ARHGAP24: variants seen among roughly 807,000 people sequenced by gnomAD.
The protein encoded by ARHGAP24 is rho GTPase-activating protein 24.
A neutral mutation model predicts 76.4 loss-of-function variants in ARHGAP24; 50 were observed. The ratio of observed to expected loss-of-function variants is 0.65; its 90% CI spans 0.52 to 0.83. The LOEUF (loss-of-function observed/expected upper bound fraction) is 0.83. Ranked by LOEUF, ARHGAP24 falls within the 40% of genes least tolerant of loss-of-function variation. The pLI, the probability that ARHGAP24 is intolerant of heterozygous loss-of-function variation, is 0.00. For synonymous variants in ARHGAP24, 345 were observed against 323.3 expected (o/e 1.07, Z -0.72); for missense variants, 930 against 914.2 (o/e 1.02, Z -0.22).
At chr4:85,889,161 A>C (rs937946463) in intron 3 of ARHGAP24, among the ~76,000 whole-genome samples, 7 of 152,232 alleles carry the variant, frequency 4.6e-5, no homozygotes, top group Admixed American at 2.6e-4. Flanking sequence ...AATATCCCAC[A>C]CCATTTACCT....
chr4:85,501,366 C>G (rs552483694), intron 1 of ARHGAP24, among the ~76,000 whole-genome samples: 3 of 152,326 alleles, frequency 2.0e-5, no homozygotes, highest in Admixed American at 2.0e-4. Flanking sequence ...TCCTATTTCT[C>G]CACATCCTCT....
At chr4:85,546,482 G>A (rs1725926844) in intron 1 of ARHGAP24, among the ~76,000 whole-genome samples, 3 of 152,236 alleles carry the variant, frequency 2.0e-5, no homozygotes, top group Admixed American at 1.3e-4. Flanking sequence ...ATTACCTGTG[G>A]AAGCACAATT....
chr4:85,554,970 G>A (rs530269734), intron 1 of ARHGAP24, among the ~76,000 whole-genome samples: 8 of 143,896 alleles, frequency 5.6e-5, no homozygotes, highest in Admixed American at 1.5e-4. Context: ...ATGAGCCACC[G>A]CACCCAGCCA....
chr4:85,987,765 A>G (rs183833555), intron 8 of ARHGAP24, among the ~76,000 whole-genome samples: 3 of 152,098 alleles, frequency 2.0e-5, no homozygotes, highest in African/African-American at 7.2e-5. Flanking sequence ...AGAAACTATC[A>G]TGAAGCACAG....
rs930187792 is a variant in ARHGAP24 at position 85,616,709 on chromosome 4, C to A, written c.180+45988C>A. On this transcript the variant is annotated intron_variant, in intron 2 of 9. Coordinates refer to ENST00000395184, the MANE Select transcript of ARHGAP24 (RefSeq NM_001025616.3). ...GTGGCACGATCTCAGCTCACTGGAA[C>A]CTGCACTTCCCAGATACAAGCTATT... 2.0e-5 allele frequency among the ~76,000 whole-genome samples: 3 copies of A among 152,170 alleles called. 1 individual carries two copies. Among genetic ancestry groups the A allele is most frequent in the Non-Finnish European group, 4.4e-5 (3 of 68,034 alleles).
intron 3 of ARHGAP24, among the ~76,000 whole-genome samples, chr4:85,751,479 A>G (rs1726263757): frequency 6.6e-6 from 1 of 152,212 alleles, no homozygotes; most frequent in African/African-American, 2.4e-5. Context: ...GGCCAAAATC[A>G]GTCAAAAATT....
chr4:85,769,875 C>A (rs1727069148), intron 3 of ARHGAP24, among the ~76,000 whole-genome samples: 1 of 152,076 alleles, frequency 6.6e-6, no homozygotes, highest in African/African-American at 2.4e-5. Context: ...GCATGAGCCA[C>A]CGCGCCTGGC....
intron 2 of ARHGAP24, among the ~76,000 whole-genome samples, chr4:85,612,083 TACACAC>T (rs34030905): frequency 7.4e-4 from 106 of 143,848 alleles, no homozygotes; most frequent in African/African-American, 1.2e-3. Context: ...TTCATTACAT[TACACAC>T]ACACACACAC....
At chr4:85,825,499 A>G (rs1729671257) in intron 3 of ARHGAP24, among the ~76,000 whole-genome samples, 1 of 152,242 alleles carries the variant, frequency 6.6e-6, no homozygotes, top group African/African-American at 2.4e-5. Flanking sequence ...CCTTAAGAGC[A>G]TTGTTAAAGG....
chr4:85,765,639 G>C (rs955768067), intron 3 of ARHGAP24, among the ~76,000 whole-genome samples: 2 of 152,096 alleles, frequency 1.3e-5, no homozygotes, highest in Admixed American at 1.3e-4. Context: ...CTACTTACTT[G>C]AAGTTTCAGA....
intron 2 of ARHGAP24, among the ~76,000 whole-genome samples, chr4:85,664,673 C>T (rs1414168692): frequency 6.6e-6 from 1 of 150,814 alleles, no homozygotes; most frequent in East Asian, 1.9e-4. Context: ...TCCCTCTACA[C>T]ACTGCTTTGA....
At position 85,845,479 on chromosome 4, in the gene ARHGAP24, G is replaced by A. The variant is rs1194937226; in HGVS notation, c.269-78169G>A. On this transcript the variant is annotated intron_variant, in intron 3 of 9. Transcript: ENST00000395184. ...ACTCCCAAACTATAGGTACATTAATGTATATATTAATATAAATCATTAGTG... is the reference window on the plus strand; with the variant it reads ...ACTCCCAAACTATAGGTACATTAATATATATATTAATATAAATCATTAGTG... Among the ~76,000 whole-genome samples, 4 of 152,108 alleles carry A rather than the reference G, an allele frequency of 2.6e-5. No individual in the cohort carries two copies. The East Asian group carries it at 7.7e-4, about 29-fold the overall frequency.
At chr4:85,569,948 A>T (rs1182681381) in intron 1 of ARHGAP24, among the ~76,000 whole-genome samples, 1 of 152,208 alleles carries the variant, frequency 6.6e-6, no homozygotes, top group Non-Finnish European at 1.5e-5. Flanking sequence ...CAGAGGCCAT[A>T]ATCTTGAGAG....
At chr4:85,664,511 CT>C (rs1268993898) in intron 2 of ARHGAP24, among the ~76,000 whole-genome samples, 1 of 150,514 alleles carries the variant, frequency 6.6e-6, no homozygotes, top group East Asian at 1.9e-4. Flanking sequence ...TCTCTATTTC[CT>C]TCAGTTCTGC....
intron 3 of ARHGAP24, among the ~76,000 whole-genome samples, chr4:85,848,588 C>A (rs1731026159): frequency 6.6e-6 from 1 of 151,946 alleles, no homozygotes; most frequent in African/African-American, 2.4e-5. Flanking sequence ...TATCGTTGGA[C>A]ATTTGGGTTG....
rs1290174585 is a variant in ARHGAP24 at position 85,920,775 on chromosome 4, TCAA to T, written c.269-2870_269-2868del. 3.3e-5 allele frequency among the ~76,000 whole-genome samples: 5 copies of T among 152,046 alleles called. No homozygotes were observed. In the South Asian group the frequency reaches 1.0e-3, roughly 32 times the overall value. ...GGCAAACAATCATATGAAAAAAAGC[TCAA>T]CATCATTGATCGTTAGAGAAATGCA... On this transcript the variant is annotated intron_variant, in intron 3 of 9. Coordinates refer to ENST00000395184, the MANE Select transcript of ARHGAP24 (RefSeq NM_001025616.3).
chr4:85,958,871 A>G (rs1239824165), intron 5 of ARHGAP24, among the ~76,000 whole-genome samples: 1 of 152,120 alleles, frequency 6.6e-6, no homozygotes, highest in Non-Finnish European at 1.5e-5. Context: ...TTCTGTCTCT[A>G]TAGATTTTTC....
chr4:85,939,283 A>G (rs1372076845), intron 4 of ARHGAP24, among the ~76,000 whole-genome samples: 1 of 152,236 alleles, frequency 6.6e-6, no homozygotes, highest in African/African-American at 2.4e-5. Flanking sequence ...AGAATGTACT[A>G]ATATTTTTAA....
At chr4:85,953,338 G>C (rs1308833893) in intron 5 of ARHGAP24, among the ~76,000 whole-genome samples, 67 of 152,062 alleles carry the variant, frequency 4.4e-4, no homozygotes, top group Admixed American at 4.4e-3. Context: ...TAAACTGCAA[G>C]TCCACAGAGA....
Sources: allele counts gnomAD v4.1 joint callset (sites outside exome capture counted in the v4.1 genomes callset), GRCh38; gene constraint gnomAD v4.1.1; transcripts MANE v1.5; gene names NCBI Gene and HGNC (gene_info 2026-07-23, HGNC 2026-07-21).